Variants in FAM228A observed in about 807,000 individuals in gnomAD.
FAM228A encodes family with sequence similarity 228 member A.
FAM228A carries 13 observed loss-of-function variants against 18.6 expected under a neutral mutation model. The observed-to-expected ratio is 0.70, with a 90% CI of 0.45 to 1.11. The LOEUF (loss-of-function observed/expected upper bound fraction) is 1.11, where lower values mean the gene tolerates loss of function less well. FAM228A is among the 50% of genes least tolerant of loss of function. FAM228A has a pLI of 0.00. For synonymous variants in FAM228A, 77 were observed against 86.6 expected, an observed-to-expected ratio of 0.89 and a Z score of 0.61; for missense variants, 240 against 242.2, an observed-to-expected ratio of 0.99 and a Z score of 0.06.
At position 24,190,325 on chromosome 2, in the gene FAM228A, G is replaced by A. The variant is rs1668049986; in HGVS notation, c.402-87G>A. On this transcript the variant is annotated intron_variant, in intron 5 of 5. Transcript: ENST00000295150. Reference sequence around the variant, plus strand: ...GTTCCTTCTCAAAAGTGACGATTGAGTTCATTGCATTAATCTTCGGAAACT... The same window carrying A: ...GTTCCTTCTCAAAAGTGACGATTGAATTCATTGCATTAATCTTCGGAAACT... 4.2e-6 allele frequency: 6 copies of A among 1,421,418 alleles called. No homozygotes were observed. In the South Asian group the frequency reaches 6.1e-5, roughly 14 times the overall value. 88.1% of individuals were successfully genotyped at this position (1,421,418 alleles called of 1,614,324 possible). A position where few individuals can be genotyped will look rare whatever the true frequency, so the allele number is the denominator to read the frequency against.
chr2:24,177,541 G>A (rs2151040462), intron 2 of FAM228A, among the ~76,000 whole-genome samples: 1 of 35,926 alleles, frequency 2.8e-5, no homozygotes, highest in South Asian at 2.2e-3. Flanking sequence ...TGCTATCAGG[G>A]ATTTTTTTTA....
intron 2 of FAM228A, chr2:24,175,781 C>T: frequency 1.2e-6 from 1 of 831,400 alleles, no homozygotes; most frequent in Non-Finnish European, 1.7e-6. Context: ...GGCGCACCGA[C>T]GGGGGCGGGC....
At chr2:24,186,376 C>T (rs1667950870) in intron 5 of FAM228A, among the ~76,000 whole-genome samples, 1 of 152,002 alleles carries the variant, frequency 6.6e-6, no homozygotes, top group South Asian at 2.1e-4. Flanking sequence ...TTTTCCTTAC[C>T]TTACAGTACC....
intron 5 of FAM228A, among the ~76,000 whole-genome samples, chr2:24,186,662 A>G (rs1398328289): frequency 6.6e-6 from 1 of 151,484 alleles, no homozygotes; most frequent in Non-Finnish European, 1.5e-5. Context: ...TTTTTGAGAC[A>G]TAGTCTTGCT....
At chr2:24,183,940 C>T (rs571593218) in intron 5 of FAM228A, among the ~76,000 whole-genome samples, 16 of 152,286 alleles carry the variant, frequency 1.1e-4, no homozygotes, top group African/African-American at 3.8e-4. Context: ...AAGTGTTCAC[C>T]TCCTTGCTCT....
At chr2:24,181,608 G>C (rs1667817115) in intron 3 of FAM228A, among the ~76,000 whole-genome samples, 1 of 152,078 alleles carries the variant, frequency 6.6e-6, no homozygotes, top group Non-Finnish European at 1.5e-5. Context: ...CTGGTCTTGA[G>C]CTCCTGACCT....
intron 5 of FAM228A, among the ~76,000 whole-genome samples, chr2:24,184,580 A>G (rs1025870011): frequency 1.3e-5 from 2 of 152,086 alleles, no homozygotes; most frequent in African/African-American, 4.8e-5. Context: ...CATTTAAGCA[A>G]TCCACTGTTG....
intron 5 of FAM228A, among the ~76,000 whole-genome samples, chr2:24,184,903 A>G (rs1293060588): frequency 6.6e-6 from 1 of 150,982 alleles, no homozygotes; most frequent in African/African-American, 2.4e-5. Context: ...GCTCACTGCA[A>G]CCTCTGCCTC....
intron 2 of FAM228A, chr2:24,175,817 C>T (rs929044915): frequency 1.9e-6 from 2 of 1,080,006 alleles, no homozygotes; most frequent in African/African-American, 3.2e-5. Flanking sequence ...GGCAGCCACC[C>T]CAGCTCCCCG....
At chr2:24,182,734 A>G (rs1187085248) in intron 3 of FAM228A, among the ~76,000 whole-genome samples, 2 of 152,118 alleles carry the variant, frequency 1.3e-5, no homozygotes, top group Non-Finnish European at 2.9e-5. Context: ...TAGGCTGTCT[A>G]GACCAGGAGA....
chr2:24,178,016 C>A, intron 3 of FAM228A, 146 bp downstream of exon 3: 1 of 557,688 alleles, frequency 1.8e-6, no homozygotes, highest in Non-Finnish European at 3.1e-6. Flanking sequence ...CTTGTTTGTA[C>A]TACATGCATC....
chr2:24,179,303 G>C, intron 3 of FAM228A: 1 of 559,958 alleles, frequency 1.8e-6, no homozygotes, highest in Non-Finnish European at 2.4e-6. Context: ...AAATGGTACT[G>C]ATGTTTTATT....
intron 3 of FAM228A, chr2:24,179,203 T>A: frequency 9.1e-7 from 1 of 1,095,490 alleles, no homozygotes; most frequent in Non-Finnish European, 1.2e-6. Context: ...TTGCAGAGCC[T>A]CTTCAGCAGA....
intron 5 of FAM228A, chr2:24,188,825 CT>C: frequency 4.7e-6 from 1 of 215,034 alleles, no homozygotes; most frequent in Non-Finnish European, 8.0e-6. Context: ...TTCAGCAGGA[CT>C]TTTAGCCTGT....
At chr2:24,176,190 A>G (rs1667687806) in intron 2 of FAM228A, 1 of 984,752 alleles carries the variant, frequency 1.0e-6, no homozygotes, top group Non-Finnish European at 1.2e-6. Context: ...AACATTTGTT[A>G]ACAATCTTAC....
At chr2:24,182,209 G>A (rs1003986768) in intron 3 of FAM228A, among the ~76,000 whole-genome samples, 2 of 152,238 alleles carry the variant, frequency 1.3e-5, no homozygotes, top group East Asian at 1.9e-4. Context: ...TCAGTTTTTC[G>A]CTCCCATGCA....
intron 3 of FAM228A, among the ~76,000 whole-genome samples, chr2:24,178,758 G>A (rs1667749384): frequency 6.6e-6 from 1 of 152,200 alleles, no homozygotes; most frequent in Non-Finnish European, 1.5e-5. Flanking sequence ...AGACTTTCCT[G>A]ATGGTGAAGG....
chr2:24,181,062 G>A lies in FAM228A; in HGVS notation c.163-2223G>A, dbSNP rs147771595. 9.0e-4 allele frequency among the ~76,000 whole-genome samples: 92 copies of A among 102,454 alleles called. 1 individual carries two copies. Among genetic ancestry groups the A allele is most frequent in the African/African-American group, 2.5e-3 (86 of 33,876 alleles). 67.2% of individuals were successfully genotyped at this position (102,454 alleles called of 152,430 possible). A position where few individuals can be genotyped will look rare whatever the true frequency, so the allele number is the denominator to read the frequency against. On this transcript the variant is annotated intron_variant, in intron 3 of 5. Coordinates refer to ENST00000295150, the MANE Select transcript of FAM228A (RefSeq NM_001040710.3). ...CAACCTAAGGACGGACTTTCTTGAGGTTAAAATTACCAAAAAAAGTACCTG... is the reference window on the plus strand; with the variant it reads ...CAACCTAAGGACGGACTTTCTTGAGATTAAAATTACCAAAAAAAGTACCTG...
At chr2:24,177,968 G>T (rs1667730251) in intron 3 of FAM228A, 98 bp downstream of exon 3, 18 of 739,690 alleles carry the variant, frequency 2.4e-5, no homozygotes, top group Non-Finnish European at 3.6e-5. Flanking sequence ...TGATCCAAGA[G>T]ACTCATTTTG....
Sources: gnomAD v4.1 joint callset for allele counts (sites outside exome capture counted in the v4.1 genomes callset) on GRCh38, gnomAD v4.1.1 for gene constraint, MANE v1.5 for transcripts, NCBI Gene and HGNC (gene_info 2026-07-23, HGNC 2026-07-21) for gene names.